Variants in HIF1A observed in about 807,000 individuals in gnomAD.
HIF1A encodes hypoxia inducible factor 1 subunit alpha.
HIF1A carries 24 observed loss-of-function variants against 92.7 expected under a neutral mutation model. The observed-to-expected ratio is 0.26, with a 90% CI of 0.19 to 0.36. The LOEUF is 0.36. HIF1A is among the 10% of genes least tolerant of loss of function. HIF1A has a pLI of 1.00. For synonymous variants in HIF1A, 319 were observed against 338.7 expected (o/e 0.94, Z 0.64); for missense variants, 799 against 998.5 (o/e 0.80, Z 2.69).
chr14:61,695,790 G>A lies in HIF1A; in HGVS notation c.-15G>A, dbSNP rs2044105981. ...GGGCCGCCCGCCGTGAAGACATCGC[G>A]GGGACCGATTCACCATGGAGGGCGC... is the stretch of plus-strand genomic sequence containing the variant. On this transcript the variant is annotated 5_prime_UTR_variant, in exon 1 of 15. Coordinates refer to ENST00000337138, the MANE Select transcript of HIF1A (RefSeq NM_001530.4). 6.3e-7 allele frequency: 1 copy of A among 1,596,254 alleles called. No individual in the cohort carries two copies. Among genetic ancestry groups the A allele is most frequent in the East Asian group, 2.3e-5 (1 of 43,966 alleles).
intron 8 of HIF1A, among the ~76,000 whole-genome samples, chr14:61,736,679 T>C (rs2044641929): frequency 6.6e-6 from 1 of 152,240 alleles, no homozygotes; most frequent in Admixed American, 6.5e-5. Flanking sequence ...TATGGTTGCA[T>C]ACTGTGGATT....
intron 1 of HIF1A, among the ~76,000 whole-genome samples, chr14:61,698,372 G>GT: frequency 6.6e-6 from 1 of 152,314 alleles, no homozygotes; most frequent in East Asian, 1.9e-4. Context: ...GCTTGAGCAA[G>GT]TTACTGAATG....
chr14:61,732,027 T>G (rs2044581580), intron 6 of HIF1A, among the ~76,000 whole-genome samples: 2 of 152,104 alleles, frequency 1.3e-5, no homozygotes, highest in African/African-American at 4.8e-5. Context: ...TCCCAGCTAC[T>G]TGGGAGGCTG....
intron 1 of HIF1A, among the ~76,000 whole-genome samples, chr14:61,699,725 T>C (rs2044157674): frequency 6.6e-6 from 1 of 152,176 alleles, no homozygotes; most frequent in South Asian, 2.1e-4. Context: ...TTTTAAACTT[T>C]GTGACTAGTT....
intron 1 of HIF1A, among the ~76,000 whole-genome samples, chr14:61,696,190 C>T (rs913150898): frequency 6.6e-6 from 1 of 152,268 alleles, no homozygotes; most frequent in East Asian, 1.9e-4. Context: ...CTTTACCCAG[C>T]CTGAAAACCC....
chr14:61,742,606 CA>C (rs1239051615), intron 12 of HIF1A, among the ~76,000 whole-genome samples: 1 of 152,076 alleles, frequency 6.6e-6, no homozygotes, highest in African/African-American at 2.4e-5. Context: ...GTTGTTGAGG[CA>C]GGGCGCAGTG....
intron 1 of HIF1A, among the ~76,000 whole-genome samples, chr14:61,705,237 A>G (rs935514245): frequency 2.6e-5 from 4 of 152,142 alleles, no homozygotes; most frequent in African/African-American, 7.2e-5. Flanking sequence ...GTCATTTGGT[A>G]ACAGTTTGAT....
chr14:61,732,993 G>A (rs1389757177), intron 7 of HIF1A, among the ~76,000 whole-genome samples: 1 of 152,220 alleles, frequency 6.6e-6, no homozygotes, highest in Non-Finnish European at 1.5e-5. Flanking sequence ...TAGGCATGCA[G>A]TGCATAAGGA....
chr14:61,695,870 T>TC, intron 1 of HIF1A, 31 bp downstream of exon 1: 4 of 1,551,388 alleles, frequency 2.6e-6, no homozygotes, highest in South Asian at 1.2e-5. Flanking sequence ...CGCCGCCTTC[T>TC]CCCCCGGCGA....
At chr14:61,742,159 T>C (rs2044719241) in intron 12 of HIF1A, among the ~76,000 whole-genome samples, 1 of 152,232 alleles carries the variant, frequency 6.6e-6, no homozygotes, top group African/African-American at 2.4e-5. Flanking sequence ...CATGACCCAA[T>C]TTTTAAGTTA....
At chr14:61,714,172 C>G (rs1313278672) in intron 1 of HIF1A, among the ~76,000 whole-genome samples, 12 of 152,086 alleles carry the variant, frequency 7.9e-5, no homozygotes, top group Non-Finnish European at 5.9e-5. Flanking sequence ...AAGCTGACAC[C>G]AAATTGAATG....
In HIF1A at chr14:61,746,885, A is replaced by G. The variant is rs537978748; in HGVS notation, c.2330-49A>G. ...AACACATTGTGGGTGTTTAATAAAT[A>G]TTCATTGACTAGATGAATGTATACT... On this transcript the variant is annotated intron_variant, in intron 14 of 14. Coordinates refer to ENST00000337138, the MANE Select transcript of HIF1A (RefSeq NM_001530.4). 2.0e-5 allele frequency: 29 copies of G among 1,419,466 alleles called. No homozygotes were observed. The South Asian group carries it at 3.8e-4, about 19-fold the overall frequency. The allele number at this position is 1,419,466 out of a possible 1,614,324, so 87.9% of individuals were successfully genotyped here. A position where few individuals can be genotyped will look rare whatever the true frequency, so the allele number is the denominator to read the frequency against.
intron 1 of HIF1A, among the ~76,000 whole-genome samples, chr14:61,707,400 C>T (rs909462403): frequency 3.9e-5 from 6 of 152,104 alleles, no homozygotes; most frequent in Non-Finnish European, 7.4e-5. Flanking sequence ...TGGTGTGCTG[C>T]ACCCAGTAAC....
At chr14:61,743,538 C>CA (rs2044739958) in intron 12 of HIF1A, among the ~76,000 whole-genome samples, 1 of 152,080 alleles carries the variant, frequency 6.6e-6, no homozygotes, top group African/African-American at 2.4e-5. Flanking sequence ...GACAATATAT[C>CA]TGTATAAGAA....
rs199915104 is a variant in HIF1A, at chr14:61,747,211, A to T, written c.*126A>T. The T allele has an allele frequency of 2.4e-5, 16 of 668,830 alleles. No homozygotes were observed. Among genetic ancestry groups the T allele is most frequent in the Admixed American group, 1.1e-4 (3 of 28,532 alleles). The allele number at this position is 668,830 out of a possible 1,614,324, so 41.4% of individuals were successfully genotyped here. On this transcript the variant is annotated 3_prime_UTR_variant, in exon 15 of 15. Coordinates refer to ENST00000337138, the MANE Select transcript of HIF1A (RefSeq NM_001530.4). The stretch of plus-strand genomic sequence containing the variant: ...ATACTGCACAAACTTGGTTAGTTCA[A>T]TTTTGATCCCCTTTCTACTTAATTT...
chr14:61,723,873 G>C (rs2044464917), intron 4 of HIF1A, among the ~76,000 whole-genome samples: 1 of 152,124 alleles, frequency 6.6e-6, no homozygotes, highest in Non-Finnish European at 1.5e-5. Flanking sequence ...TACTAATGTG[G>C]TTAATGAATT....
chr14:61,733,833 T>C (rs1301411910), intron 7 of HIF1A, among the ~76,000 whole-genome samples: 1 of 152,124 alleles, frequency 6.6e-6, no homozygotes, highest in African/African-American at 2.4e-5. Context: ...CTATTGATTA[T>C]TCTCTAATCT....
intron 1 of HIF1A, among the ~76,000 whole-genome samples, chr14:61,706,394 C>T (rs1220615739): frequency 6.6e-6 from 1 of 152,124 alleles, no homozygotes; most frequent in South Asian, 2.1e-4. Flanking sequence ...GTGTTTAAGG[C>T]AAAGTTTTAC....
chr14:61,737,071 C>G lies in HIF1A; in HGVS notation c.1211C>G (p.Ala404Gly). The change falls in exon 9 of 15, where the codon GCT (alanine) becomes GGT (glycine). Residue 404 changes from alanine (A) to glycine (G), a missense_variant. By Grantham distance (60) the Ala-to-Gly change is moderately conservative. This residue lies in a region of HIF1A where 516 missense variants were observed against 721.0 expected (regional missense o/e 0.72). Coordinates refer to ENST00000337138, the MANE Select transcript of HIF1A (RefSeq NM_001530.4). The part of the protein sequence containing the change: ...PDALTLLAPA[A>G]GDTIISLDFG... Reference sequence around the variant, plus strand: ...GCTTTAACTTTGCTGGCCCCAGCCGCTGGAGACACAATCATATCTTTAGAT... The same window carrying G: ...GCTTTAACTTTGCTGGCCCCAGCCGGTGGAGACACAATCATATCTTTAGAT... The G allele has an allele frequency of 6.2e-7, 1 of 1,614,134 alleles. No individual in the cohort carries two copies. Among genetic ancestry groups the G allele is most frequent in the Non-Finnish European group, 8.5e-7 (1 of 1,180,008 alleles).
Sources: gnomAD v4.1 joint callset for allele counts (sites outside exome capture counted in the v4.1 genomes callset) on GRCh38, gnomAD v4.1.1 for gene constraint, gnomAD v4.1.1 regional missense constraint, MANE v1.5 for transcripts, NCBI Gene and HGNC (gene_info 2026-07-23, HGNC 2026-07-21) for gene names.